Variants in ADAMTSL1 observed in about 807,000 individuals in gnomAD.
ADAMTSL1 encodes the protein ADAMTS-like protein 1.
In ADAMTSL1, 126 loss-of-function variants were observed where a neutral mutation model predicts 201.8. The ratio of observed to expected loss-of-function variants is 0.62; its 90% confidence interval spans 0.54 to 0.72. The LOEUF (loss-of-function observed/expected upper bound fraction) is 0.72, where lower values mean the gene tolerates loss of function less well. Ranked by LOEUF, ADAMTSL1 falls within the 30% of genes least tolerant of loss-of-function variation. The pLI is 0.00. For missense variants in ADAMTSL1, 2,679 were observed against 2,277.8 expected, an observed-to-expected ratio of 1.18 and a Z score of -3.59; for synonymous variants, 1,121 against 903.4, an observed-to-expected ratio of 1.24 and a Z score of -4.32.
intron 1 of ADAMTSL1, among the ~76,000 whole-genome samples, chr9:18,158,219 C>T (rs761167998): frequency 3.3e-5 from 5 of 151,780 alleles, no homozygotes; most frequent in East Asian, 1.9e-4. Context: ...TTCTGATTGG[C>T]AAATATGAGT....
intron 2 of ADAMTSL1, among the ~76,000 whole-genome samples, chr9:18,239,085 A>C (rs1244696272): frequency 6.6e-6 from 1 of 152,242 alleles, no homozygotes; most frequent in Admixed American, 6.5e-5. Flanking sequence ...TAAAAATGCT[A>C]ATGATTATCT....
intron 1 of ADAMTSL1, among the ~76,000 whole-genome samples, chr9:18,035,856 CA>C (rs1821172092): frequency 6.6e-6 from 1 of 152,082 alleles, no homozygotes; most frequent in African/African-American, 2.4e-5. Context: ...AATTAAGTAA[CA>C]AAATAACTTA....
chr9:17,925,715 GGA>G (rs1826495762), intron 1 of ADAMTSL1, among the ~76,000 whole-genome samples: 1 of 125,558 alleles, frequency 8.0e-6, no homozygotes, highest in African/African-American at 3.2e-5. Flanking sequence ...TGGGGTGGGG[GGA>G]GGGGGGAGGG....
At chr9:18,413,324 C>T (rs186631662) in intron 2 of ADAMTSL1, among the ~76,000 whole-genome samples, 2 of 152,020 alleles carry the variant, frequency 1.3e-5, no homozygotes, top group Admixed American at 6.6e-5. Flanking sequence ...GCCACCACAC[C>T]TGGCTAATTT....
At chr9:17,914,968 T>C (rs980937198) in intron 1 of ADAMTSL1, among the ~76,000 whole-genome samples, 1 of 152,208 alleles carries the variant, frequency 6.6e-6, no homozygotes, top group African/African-American at 2.4e-5. Flanking sequence ...TGCTGTTGTT[T>C]TTATTTATTT....
chr9:18,633,194 A>G (rs1454070398), intron 5 of ADAMTSL1, among the ~76,000 whole-genome samples: 1 of 152,178 alleles, frequency 6.6e-6, no homozygotes, highest in Non-Finnish European at 1.5e-5. Flanking sequence ...CTGTGGGTAA[A>G]CAAAGACTTT....
At chr9:18,199,452 T>C (rs1052396643) in intron 2 of ADAMTSL1, among the ~76,000 whole-genome samples, 1 of 152,048 alleles carries the variant, frequency 6.6e-6, no homozygotes, top group Non-Finnish European at 1.5e-5. Context: ...TCCATATTTA[T>C]TCAGAAGTGT....
intron 13 of ADAMTSL1, among the ~76,000 whole-genome samples, chr9:18,693,966 A>C (rs2133259264): frequency 2.0e-5 from 3 of 152,296 alleles, no homozygotes; most frequent in Middle Eastern, 6.8e-3. Context: ...TCACAGTTCC[A>C]CAGGCTGTGC....
intron 7 of ADAMTSL1, among the ~76,000 whole-genome samples, chr9:18,644,216 GA>G (rs1307943605): frequency 6.6e-6 from 1 of 151,628 alleles, no homozygotes; most frequent in Non-Finnish European, 1.5e-5. Context: ...TTTATATGTT[GA>G]TTTTTTTATC....
rs373199791 is a variant in ADAMTSL1 at position 18,085,569 on chromosome 9, A to G, written c.88-78293A>G. 1.1e-3 allele frequency among the ~76,000 whole-genome samples: 155 copies of G among 147,458 alleles called. 3 individuals are homozygous for G. The highest frequency in any genetic ancestry group is 7.3e-3 in the Middle Eastern group (2 of 274). ...GTATACATACACACTGTGTGTATAC[A>G]TATATACACACTGTGTGTGTGTATA... On this transcript the variant is annotated intron_variant, in intron 1 of 29. Transcript: ENST00000680146.
intron 4 of ADAMTSL1, among the ~76,000 whole-genome samples, chr9:18,590,736 GA>G (rs891585599): frequency 1.3e-5 from 2 of 152,020 alleles, no homozygotes; most frequent in African/African-American, 4.8e-5. Flanking sequence ...TGTTTCTCAA[GA>G]ATTTTTAAAA....
At chr9:18,832,941 G>GT (rs1425845010) in intron 23 of ADAMTSL1, among the ~76,000 whole-genome samples, 2 of 152,216 alleles carry the variant, frequency 1.3e-5, no homozygotes, top group Admixed American at 6.5e-5. Flanking sequence ...GAGAGTTGGA[G>GT]TTTTTTAAGC....
At chr9:18,900,315 T>A (rs1829931891) in intron 26 of ADAMTSL1, among the ~76,000 whole-genome samples, 1 of 152,194 alleles carries the variant, frequency 6.6e-6, no homozygotes. Context: ...AGGAACACTT[T>A]CACACTGTTG....
At chr9:18,483,689 T>C (rs1418853640) in intron 1 of ADAMTSL1, among the ~76,000 whole-genome samples, 1 of 151,526 alleles carries the variant, frequency 6.6e-6, no homozygotes, top group Non-Finnish European at 1.5e-5. Flanking sequence ...TACCCGGGCA[T>C]GGTGGCGGGT....
At chr9:18,502,499 G>T (rs951311734) in intron 1 of ADAMTSL1, among the ~76,000 whole-genome samples, 4 of 152,156 alleles carry the variant, frequency 2.6e-5, no homozygotes, top group Admixed American at 6.5e-5. Context: ...GAAGAAATTT[G>T]TGTATGCATA....
At chr9:18,881,735 T>C (rs1828549293) in intron 23 of ADAMTSL1, among the ~76,000 whole-genome samples, 1 of 152,184 alleles carries the variant, frequency 6.6e-6, no homozygotes, top group Non-Finnish European at 1.5e-5. Context: ...GCAGGATCCA[T>C]GAAGTGCAAT....
chr9:18,485,396 G>T (rs551574859), intron 1 of ADAMTSL1, among the ~76,000 whole-genome samples: 9 of 152,298 alleles, frequency 5.9e-5, no homozygotes, highest in African/African-American at 2.2e-4. Context: ...TCATGGATTG[G>T]CCTGCTGTCT....
chr9:18,212,593 A>G (rs12236807), intron 2 of ADAMTSL1, among the ~76,000 whole-genome samples: 18,586 of 152,196 alleles, frequency 0.12, 1,338 homozygotes, highest in East Asian at 0.25. Context: ...GTAAAATCCT[A>G]TCTTTGCAAT....
intron 4 of ADAMTSL1, 104 bp from the exon 5 acceptor site, chr9:18,622,139 C>T (rs1007789619): frequency 2.6e-5 from 37 of 1,446,954 alleles, no homozygotes; most frequent in Admixed American, 1.6e-4. Flanking sequence ...ATGTTTTAGG[C>T]CCCTCAGGGA....
Sources: gnomAD v4.1 joint callset for allele counts (sites outside exome capture counted in the v4.1 genomes callset) on GRCh38, gnomAD v4.1.1 for gene constraint, MANE v1.5 for transcripts, NCBI Gene and HGNC (gene_info 2026-07-23, HGNC 2026-07-21) for gene names.